The following TTC17 variants were observed in gnomAD, a reference collection of about 807,000 sequenced individuals.
TTC17 encodes tetratricopeptide repeat protein 17.
In TTC17, 58 loss-of-function variants were observed where a neutral mutation model predicts 143.8. The ratio of observed to expected loss-of-function variants is 0.40; its 90% CI spans 0.33 to 0.50. The LOEUF is 0.50. Ranked by LOEUF, TTC17 falls within the 20% of genes least tolerant of loss-of-function variation. TTC17 has a pLI of 0.49. For synonymous variants in TTC17, 501 were observed against 497.8 expected (o/e 1.01, Z -0.09); for missense variants, 1,273 against 1,392.5 (o/e 0.91, Z 1.37).
rs567009984 is a variant in TTC17 at position 43,446,650 on chromosome 11, C to T, written c.2666-1352C>T. On this transcript the variant is annotated intron_variant, in intron 18 of 23. Transcript: ENST00000039989. ...TGTTTTGTTAAAATCTCAATCTAAA[C>T]CCCTGCCTGTACCTCAAACAGTTTT... 6 of 984,786 alleles carry T rather than the reference C, an allele frequency of 6.1e-6. No individual in the cohort carries two copies. In the African/African-American group the frequency reaches 1.0e-4, roughly 17 times the overall value. The allele number at this position is 984,786 out of a possible 1,614,324, so 61.0% of individuals were successfully genotyped here.
chr11:43,402,035 C>T (rs1260718127), intron 10 of TTC17, among the ~76,000 whole-genome samples: 1 of 147,756 alleles, frequency 6.8e-6, no homozygotes, highest in Non-Finnish European at 1.5e-5. Flanking sequence ...AAATAAAGAG[C>T]GAGAGAGAGA....
chr11:43,461,385 C>G (rs1363290371), intron 21 of TTC17, among the ~76,000 whole-genome samples: 1 of 108,384 alleles, frequency 9.2e-6, no homozygotes, highest in Admixed American at 1.1e-4. Flanking sequence ...AGCGAAACTC[C>G]GTCTCAAAAA....
chr11:43,439,628 CT>C (rs917757070), intron 16 of TTC17, among the ~76,000 whole-genome samples: 2 of 152,018 alleles, frequency 1.3e-5, no homozygotes, highest in African/African-American at 4.8e-5. Flanking sequence ...ACCACCACCC[CT>C]GGGCTAATTT....
intron 21 of TTC17, among the ~76,000 whole-genome samples, chr11:43,483,405 C>T (rs937821158): frequency 2.6e-5 from 4 of 151,872 alleles, no homozygotes; most frequent in Admixed American, 1.3e-4. Flanking sequence ...TATATGTTGT[C>T]ATATATAATT....
intron 2 of TTC17, among the ~76,000 whole-genome samples, chr11:43,381,536 A>G (rs1856968703): frequency 6.6e-6 from 1 of 152,186 alleles, no homozygotes; most frequent in African/African-American, 2.4e-5. Context: ...AAAAATAATA[A>G]TAATAACAAC....
rs761899091 is a variant in TTC17, at chr11:43,358,943, C to CG, written c.-5dup. On this transcript the variant is annotated 5_prime_UTR_variant, in exon 1 of 24. Transcript: ENST00000039989. ...CCGCTTCCGGTGTGAGCGGCCCGGC[C>CG]GGGGGGGCAAGATGGCGGCGGCAGT... 4.5e-5 allele frequency: 71 copies of CG among 1,566,914 alleles called. No individual in the cohort carries two copies. Among genetic ancestry groups the CG allele is most frequent in the South Asian group, 1.5e-4 (13 of 86,446 alleles).
In TTC17 at chr11:43,405,834, A is replaced by G. The variant is rs1013068291; in HGVS notation, c.1644A>G (p.Gln548=). 6.2e-7 allele frequency: 1 copy of G among 1,614,062 alleles called. No homozygotes were observed. The highest frequency in any genetic ancestry group is 8.5e-7 in the Non-Finnish European group (1 of 1,179,948). ...ATTATTCTACAGAAGAAGAGGCCCA[A>G]ACCCCTGACTGTTCCATAACTGACT... is the stretch of plus-strand genomic sequence containing the variant. ...SDDYSTEEEA[Q]TPDCSITDFR... The change falls in exon 13 of 24, where the codon CAA becomes CAG. Residue 548 remains glutamine (Q), a synonymous_variant. Coordinates refer to ENST00000039989, the MANE Select transcript of TTC17 (RefSeq NM_018259.6).
intron 1 of TTC17, among the ~76,000 whole-genome samples, chr11:43,369,862 C>T (rs1856495376): frequency 1.3e-5 from 2 of 152,164 alleles, no homozygotes; most frequent in South Asian, 2.1e-4. Context: ...GGAGTTCTCC[C>T]GCCTTGGCCT....
chr11:43,390,569 TGGCAC>T (rs1857342212), intron 3 of TTC17, among the ~76,000 whole-genome samples: 1 of 138,920 alleles, frequency 7.2e-6, no homozygotes, highest in Non-Finnish European at 1.6e-5. Context: ...TGAGCCAAGA[TGGCAC>T]CACTGCACTC....
chr11:43,490,079 G>C lies in TTC17; in HGVS notation c.3031-160G>C, dbSNP rs76482381. The C allele has an allele frequency of 0.024, 21,980 of 928,374 alleles. 3,331 individuals carry two copies. In the African/African-American group the frequency reaches 0.32, roughly 14 times the overall value. 57.5% of individuals were successfully genotyped at this position (928,374 alleles called of 1,614,324 possible). On this transcript the variant is annotated intron_variant, in intron 21 of 23. Transcript: ENST00000039989. ...ATCAAGCTCACAGGATTGTTCTAAG[G>C]ATTAATGAAGGACAGGTGGAACAGA...
chr11:43,389,599 G>A (rs1198701571), intron 2 of TTC17, 53 bp from the exon 3 acceptor site: 1 of 1,511,284 alleles, frequency 6.6e-7, no homozygotes, highest in African/African-American at 1.4e-5. Flanking sequence ...TTCAATGGTA[G>A]TTAGACTAAA....
At chr11:43,384,219 A>T (rs952207443) in intron 2 of TTC17, among the ~76,000 whole-genome samples, 3 of 152,178 alleles carry the variant, frequency 2.0e-5, no homozygotes, top group African/African-American at 7.2e-5. Flanking sequence ...AGGAGAGAAC[A>T]TAGAAAAAGT....
At chr11:43,406,042 C>A in intron 13 of TTC17, 91 bp downstream of exon 13, 1 of 1,399,164 alleles carries the variant, frequency 7.1e-7, no homozygotes, top group Non-Finnish European at 9.6e-7. Flanking sequence ...TAGAAGGTAG[C>A]TGTTGAGCTT....
chr11:43,359,002 C>G lies in TTC17; in HGVS notation c.48C>G (p.Cys16Trp). The change falls in exon 1 of 24, where the codon TGC becomes TGG. Residue 16 changes from cysteine (C) to tryptophan (W), a missense_variant. Physicochemically the swap from Cys to Trp is radical, Grantham distance 215. Transcript: ENST00000039989. ...GTGGCCGGTACGAGCTGCCGCCTTG[C>G]TCCGGCCCAGGCTGGCTCCTCAGCC... ...GVRGRYELPPCSGPGWLLSLS... is the reference protein window; with the variant it reads ...GVRGRYELPPWSGPGWLLSLS... The G allele has an allele frequency of 6.3e-7, 1 of 1,586,580 alleles. No homozygotes were observed. The highest frequency in any genetic ancestry group is 8.6e-7 in the Non-Finnish European group (1 of 1,167,052).
chr11:43,396,499 A>T, intron 5 of TTC17: 1 of 338,328 alleles, frequency 3.0e-6, no homozygotes, highest in Admixed American at 4.4e-5. Flanking sequence ...TCACACCCTA[A>T]TGCACGTGCT....
intron 16 of TTC17, among the ~76,000 whole-genome samples, chr11:43,433,663 AG>A: frequency 6.6e-6 from 1 of 152,334 alleles, no homozygotes; most frequent in Non-Finnish European, 1.5e-5. Context: ...AAGTTTAAAA[AG>A]ATGAGACCAA....
Position 43,407,367 on chromosome 11 carries a change from C to T in TTC17, c.1854C>T (p.Ile618=). ...FHAINKPNAP[I]WLILNEAGLY... is the part of the protein sequence containing the mutation. ...GGATTTTTCAGCCAAATGCTCCTAT[C>T]TGGCTCATACTCAATGAAGCTGGAC... Residue 618 remains isoleucine (I), a synonymous_variant, in exon 15 of 24, where the codon ATC becomes ATT. Coordinates refer to ENST00000039989, the MANE Select transcript of TTC17 (RefSeq NM_018259.6). 12 of 1,613,614 alleles carry T rather than the reference C, an allele frequency of 7.4e-6. No individual in the cohort carries two copies. Among genetic ancestry groups the T allele is most frequent in the African/African-American group, 1.3e-5 (1 of 75,068 alleles).
chr11:43,369,561 G>A (rs1476288631), intron 1 of TTC17, among the ~76,000 whole-genome samples: 3 of 151,618 alleles, frequency 2.0e-5, no homozygotes, highest in African/African-American at 7.3e-5. Flanking sequence ...TTAATTTGAA[G>A]TTTGTTTTTT....
rs1260954183 is a variant in TTC17 at position 43,448,045 on chromosome 11, C to T, written c.2709C>T (p.Asp903=). ...AGCGTCTGGGATGGCCCAGCCCGGA[C>T]GAATGCCTCAAACTCCGCTGGGTAG... is the stretch of plus-strand genomic sequence containing the variant. The part of the protein sequence containing the change: ...DYQRLGWPSP[D]ECLKLRWVEL... Residue 903 remains aspartate, a synonymous_variant, in exon 19 of 24, where the codon GAC becomes GAT. Transcript: ENST00000039989. 6.2e-6 allele frequency: 10 copies of T among 1,613,970 alleles called. No individual in the cohort carries two copies. Among genetic ancestry groups the T allele is most frequent in the East Asian group, 4.5e-5 (2 of 44,880 alleles).
Sources: gnomAD v4.1 joint callset for allele counts (sites outside exome capture counted in the v4.1 genomes callset) on GRCh38, gnomAD v4.1.1 for gene constraint, MANE v1.5 for transcripts, NCBI Gene and HGNC (gene_info 2026-07-23, HGNC 2026-07-21) for gene names.